The following ST18 variants were observed in gnomAD, a reference collection of about 807,000 sequenced individuals.
ST18 encodes suppression of tumorigenicity 18 protein.
A neutral mutation model predicts 110.0 loss-of-function variants in ST18; 50 were observed. The observed-to-expected ratio is 0.45, with a 90% confidence interval of 0.36 to 0.58. The LOEUF is 0.58. Among genes scored for constraint, ST18 ranks in the 20% least tolerant of loss-of-function variants. The pLI is 0.00. For synonymous variants in ST18, 461 were observed against 452.4 expected (o/e 1.02, Z -0.24); for missense variants, 1,306 against 1,280.1 (o/e 1.02, Z -0.31).
chr8:52,113,455 T>C (rs1334990253), intron 25 of ST18, 117 bp from the exon 26 acceptor site: 1 of 1,176,510 alleles, frequency 8.5e-7, no homozygotes, highest in East Asian at 2.4e-5. Context: ...CAAGGGTGCA[T>C]ATGACTGCTG....
At chr8:52,208,420 A>G (rs1008543897) in intron 8 of ST18, among the ~76,000 whole-genome samples, 6 of 152,252 alleles carry the variant, frequency 3.9e-5, no homozygotes, top group African/African-American at 1.2e-4. Context: ...GAAATGGACA[A>G]AAATTTAAAA....
intron 2 of ST18, among the ~76,000 whole-genome samples, chr8:52,309,102 G>A (rs961652643): frequency 3.3e-5 from 5 of 152,162 alleles, no homozygotes; most frequent in Admixed American, 1.3e-4. Flanking sequence ...TATAAGGGTC[G>A]GTACTGCTAG....
chr8:52,256,101 G>C (rs1317831104), intron 2 of ST18, among the ~76,000 whole-genome samples: 1 of 152,210 alleles, frequency 6.6e-6, no homozygotes, highest in East Asian at 1.9e-4. Context: ...AACAAAGCCA[G>C]TCCATCACTT....
intron 2 of ST18, among the ~76,000 whole-genome samples, chr8:52,366,968 C>T (rs984968943): frequency 1.3e-5 from 2 of 152,142 alleles, no homozygotes; most frequent in African/African-American, 4.8e-5. Flanking sequence ...CATAGTGGCT[C>T]ACGCCTGTAA....
chr8:52,303,907 G>C (rs1345681110), intron 2 of ST18, among the ~76,000 whole-genome samples: 1 of 152,140 alleles, frequency 6.6e-6, no homozygotes, highest in Non-Finnish European at 1.5e-5. Context: ...TGGATTGCAT[G>C]GTGGAAATCC....
intron 2 of ST18, among the ~76,000 whole-genome samples, chr8:52,344,269 A>G (rs533870254): frequency 6.6e-6 from 1 of 152,260 alleles, no homozygotes; most frequent in South Asian, 2.1e-4. Flanking sequence ...CAAAACTAAT[A>G]CAATGTGTGT....
At chr8:52,114,052 C>A (rs1371159367) in intron 25 of ST18, among the ~76,000 whole-genome samples, 1 of 136,334 alleles carries the variant, frequency 7.3e-6, no homozygotes, top group African/African-American at 2.7e-5. Flanking sequence ...TCACTGCAAC[C>A]TCTGCCTCCC....
chr8:52,129,507 T>C (rs996491897), intron 22 of ST18, among the ~76,000 whole-genome samples: 1 of 149,206 alleles, frequency 6.7e-6, no homozygotes, highest in East Asian at 2.0e-4. Flanking sequence ...GGAGAGAGCA[T>C]TCCACCTTAA....
chr8:52,373,244 T>C (rs187655426), intron 2 of ST18, among the ~76,000 whole-genome samples: 1 of 151,894 alleles, frequency 6.6e-6, no homozygotes, highest in Admixed American at 6.6e-5. Context: ...CTTCAGAGAG[T>C]AAGCCCTCCC....
chr8:52,325,341 C>A (rs949094032), intron 2 of ST18, among the ~76,000 whole-genome samples: 3 of 152,120 alleles, frequency 2.0e-5, no homozygotes, highest in Admixed American at 6.5e-5. Flanking sequence ...CCGAAGAGAT[C>A]ATTTGAAAAG....
rs528053838 is a variant in ST18, at chr8:52,241,594, G to C, written c.-464-11517C>G. Among the ~76,000 whole-genome samples, 7 of 152,242 alleles carry C rather than the reference G, an allele frequency of 4.6e-5. No individual in the cohort carries two copies. In the South Asian group the frequency reaches 1.5e-3, roughly 32 times the overall value. ...CTACTGTGGCTCATAAAGTTGTTAG[G>C]GGCAGATGGTGTGGCTAATATTCAT... On this transcript the variant is annotated intron_variant, in intron 2 of 25. Coordinates refer to ENST00000689386, the MANE Select transcript of ST18 (RefSeq NM_001352837.2).
At chr8:52,357,561 C>A (rs1398571656) in intron 2 of ST18, among the ~76,000 whole-genome samples, 1 of 148,912 alleles carries the variant, frequency 6.7e-6, no homozygotes, top group Non-Finnish European at 1.5e-5. Context: ...AAATATAAGA[C>A]AAAAATTGTT....
intron 2 of ST18, among the ~76,000 whole-genome samples, chr8:52,274,626 C>G (rs886250044): frequency 6.6e-5 from 10 of 151,464 alleles, no homozygotes; most frequent in Admixed American, 2.0e-4. Context: ...TCTTCTTCAA[C>G]ACCTTAATTC....
At chr8:52,378,493 G>A (rs1242307007) in intron 2 of ST18, among the ~76,000 whole-genome samples, 3 of 152,164 alleles carry the variant, frequency 2.0e-5, no homozygotes, top group African/African-American at 4.8e-5. Context: ...AGATGCATGT[G>A]CACTGAAAAT....
At chr8:52,302,002 G>C (rs1341015723) in intron 2 of ST18, 1 of 152,330 alleles carries the variant, frequency 6.6e-6, no homozygotes, top group Admixed American at 6.5e-5. Flanking sequence ...GTCAGAGCCA[G>C]AGCAGAGTGA....
At chr8:52,359,016 G>A (rs903801587) in intron 2 of ST18, among the ~76,000 whole-genome samples, 1 of 151,680 alleles carries the variant, frequency 6.6e-6, no homozygotes, top group Admixed American at 6.6e-5. Context: ...CATATTAAGA[G>A]GATTATACTC....
At chr8:52,407,862 T>A (rs1043612603) in intron 2 of ST18, 2 of 152,190 alleles carry the variant, frequency 1.3e-5, no homozygotes, top group Non-Finnish European at 2.9e-5. Flanking sequence ...ATCGTTTCCA[T>A]CCTCCTCCAT....
At chr8:52,186,576 G>A (rs1334180925) in intron 8 of ST18, among the ~76,000 whole-genome samples, 2 of 152,146 alleles carry the variant, frequency 1.3e-5, no homozygotes, top group African/African-American at 4.8e-5. Flanking sequence ...ACACCTGAAA[G>A]AGCCATGTCC....
At chr8:52,347,858 C>G (rs1023732015) in intron 2 of ST18, among the ~76,000 whole-genome samples, 4 of 152,206 alleles carry the variant, frequency 2.6e-5, no homozygotes, top group Non-Finnish European at 5.9e-5. Flanking sequence ...GTGCAGACTT[C>G]CTTCTCACAG....
Sources: allele counts gnomAD v4.1 joint callset (sites outside exome capture counted in the v4.1 genomes callset), GRCh38; gene constraint gnomAD v4.1.1; transcripts MANE v1.5; gene names NCBI Gene and HGNC (gene_info 2026-07-23, HGNC 2026-07-21).